PPFIA2: variants seen among roughly 807,000 people sequenced by gnomAD.
The protein encoded by PPFIA2 is liprin-alpha-2.
PPFIA2 carries 46 observed loss-of-function variants against 175.5 expected under a neutral mutation model. That is an observed-to-expected ratio of 0.26 (90% confidence interval 0.21 to 0.34). The LOEUF (loss-of-function observed/expected upper bound fraction) is 0.34, where lower values mean the gene tolerates loss of function less well. PPFIA2 is among the 10% of genes least tolerant of loss of function. The pLI, the probability that PPFIA2 is intolerant of heterozygous loss-of-function variation, is 1.00. For synonymous variants in PPFIA2, 568 were observed against 511.4 expected, an observed-to-expected ratio of 1.11 and a Z score of -1.49; for missense variants, 1,179 against 1,506.1, an observed-to-expected ratio of 0.78 and a Z score of 3.60.
intron 22 of PPFIA2, among the ~76,000 whole-genome samples, chr12:81,311,025 A>C (rs2050640055): frequency 6.6e-6 from 1 of 152,180 alleles, no homozygotes; most frequent in African/African-American, 2.4e-5. Flanking sequence ...CACTGCTTTA[A>C]ATTTAAAAGC....
At chr12:81,443,658 C>T (rs2050647983) in intron 6 of PPFIA2, among the ~76,000 whole-genome samples, 1 of 151,762 alleles carries the variant, frequency 6.6e-6, no homozygotes, top group Admixed American at 6.6e-5. Flanking sequence ...CTTATGGGAC[C>T]ATCTCAAATC....
intron 31 of PPFIA2, among the ~76,000 whole-genome samples, chr12:81,262,707 T>A (rs1303597741): frequency 1.3e-5 from 2 of 152,340 alleles, no homozygotes; most frequent in Non-Finnish European, 1.5e-5. Context: ...AATTGGGAAA[T>A]TACTGTGTTT....
At position 81,374,703 on chromosome 12, in the gene PPFIA2, G is replaced by A; in HGVS notation, c.1197C>T (p.Thr399=). 6.2e-7 allele frequency: 1 copy of A among 1,613,272 alleles called. No individual in the cohort carries two copies. Among genetic ancestry groups the A allele is most frequent in the Non-Finnish European group, 8.5e-7 (1 of 1,179,542 alleles). The part of the protein sequence containing the change: ...LELAEQKLQQ[T]MRKAETLPEV... ...CAGGCAAGGTTTCAGCCTTTCTCAT[G>A]GTCTGCTGCAACTTTTGTTCAGCTA... The change falls in exon 11 of 33, where the codon ACC becomes ACT. Residue 399 remains threonine, a synonymous_variant. Transcript: ENST00000549396.
chr12:81,563,143 T>C (rs2070546523), intron 4 of PPFIA2, among the ~76,000 whole-genome samples: 1 of 152,148 alleles, frequency 6.6e-6, no homozygotes, highest in African/African-American at 2.4e-5. Flanking sequence ...GAAACTTCAC[T>C]ACATATTCCT....
chr12:81,373,199 T>C (rs1315107362), intron 11 of PPFIA2, among the ~76,000 whole-genome samples: 1 of 151,878 alleles, frequency 6.6e-6, no homozygotes, highest in Non-Finnish European at 1.5e-5. Flanking sequence ...GTCAAGATAA[T>C]ATTGATAATT....
intron 30 of PPFIA2, among the ~76,000 whole-genome samples, chr12:81,264,362 A>G (rs1371586538): frequency 2.0e-5 from 3 of 152,240 alleles, no homozygotes; most frequent in Non-Finnish European, 4.4e-5. Context: ...AAGTAGCAAT[A>G]TATAATTCAG....
At chr12:81,457,475 T>C (rs959218833) in intron 5 of PPFIA2, among the ~76,000 whole-genome samples, 5 of 152,136 alleles carry the variant, frequency 3.3e-5, no homozygotes, top group African/African-American at 4.8e-5. Context: ...AAACCCATTA[T>C]TGAAATCCAG....
chr12:81,627,703 T>A (rs900644257), intron 4 of PPFIA2, among the ~76,000 whole-genome samples: 3 of 152,210 alleles, frequency 2.0e-5, no homozygotes, highest in Non-Finnish European at 4.4e-5. Flanking sequence ...ATGATCCAAG[T>A]TACCTAAGAC....
chr12:81,282,998 TG>T lies in PPFIA2; in HGVS notation c.3018+11del. 9 of 1,609,416 alleles carry T rather than the reference TG, an allele frequency of 5.6e-6. No individual in the cohort carries two copies. Among genetic ancestry groups the T allele is most frequent in the Non-Finnish European group, 7.7e-6 (9 of 1,176,252 alleles). On this transcript the variant is annotated intron_variant, in intron 26 of 32. Coordinates refer to ENST00000549396, the MANE Select transcript of PPFIA2 (RefSeq NM_003625.5). ...ATGATATTAAGGGTCTTAAAGCATA[TG>T]AATCTCCTACCTGGGCCCAGCTTCC...
At chr12:81,322,421 C>T (rs902507935) in intron 22 of PPFIA2, among the ~76,000 whole-genome samples, 1 of 151,992 alleles carries the variant, frequency 6.6e-6, no homozygotes, top group Admixed American at 6.6e-5. Context: ...ATTGAATAAA[C>T]TATGAAGAAT....
chr12:81,498,608 A>T (rs1277373571), intron 4 of PPFIA2, among the ~76,000 whole-genome samples: 1 of 151,924 alleles, frequency 6.6e-6, no homozygotes, highest in Admixed American at 6.6e-5. Flanking sequence ...TTAACTTATT[A>T]ATTTATTTAT....
intron 3 of PPFIA2, among the ~76,000 whole-genome samples, chr12:81,699,339 A>T (rs930963132): frequency 2.6e-5 from 4 of 151,904 alleles, no homozygotes; most frequent in African/African-American, 9.7e-5. Flanking sequence ...ATATTAATAC[A>T]TCAAAAGCAT....
At chr12:81,379,420 T>C (rs1302331957) in intron 9 of PPFIA2, among the ~76,000 whole-genome samples, 1 of 152,172 alleles carries the variant, frequency 6.6e-6, no homozygotes, top group East Asian at 1.9e-4. Context: ...AACACTGAGA[T>C]GTATTTAATT....
intron 3 of PPFIA2, among the ~76,000 whole-genome samples, chr12:81,723,433 C>A (rs2079615779): frequency 6.6e-6 from 1 of 151,098 alleles, no homozygotes; most frequent in Non-Finnish European, 1.5e-5. Context: ...AGTCAATGAA[C>A]TTTCTTAAGA....
chr12:81,582,918 CTATT>C (rs1423601103), intron 4 of PPFIA2, among the ~76,000 whole-genome samples: 1 of 151,724 alleles, frequency 6.6e-6, no homozygotes, highest in Non-Finnish European at 1.5e-5. Context: ...GGGAGTTTTT[CTATT>C]TTTTTGAGAA....
At chr12:81,575,616 A>AAT (rs914527364) in intron 4 of PPFIA2, among the ~76,000 whole-genome samples, 1 of 151,780 alleles carries the variant, frequency 6.6e-6, no homozygotes, top group African/African-American at 2.4e-5. Context: ...GAGAAAAAAC[A>AAT]ATATATATAA....
intron 7 of PPFIA2, among the ~76,000 whole-genome samples, chr12:81,422,930 T>C (rs1422024723): frequency 6.6e-6 from 1 of 151,866 alleles, no homozygotes; most frequent in Non-Finnish European, 1.5e-5. Context: ...AAATCAGACA[T>C]GAAAGAGGAG....
chr12:81,696,039 G>T (rs73348321), intron 3 of PPFIA2, among the ~76,000 whole-genome samples: 1 of 152,148 alleles, frequency 6.6e-6, no homozygotes, highest in Admixed American at 6.6e-5. Flanking sequence ...ATTAATACAA[G>T]AGCTTTAGGC....
At chr12:81,330,324 C>T (rs1243507427) in intron 21 of PPFIA2, among the ~76,000 whole-genome samples, 1 of 152,096 alleles carries the variant, frequency 6.6e-6, no homozygotes, top group Non-Finnish European at 1.5e-5. Context: ...TGGTGGCACG[C>T]TTGTTATTAA....
Sources: allele counts gnomAD v4.1 joint callset (sites outside exome capture counted in the v4.1 genomes callset), GRCh38; gene constraint gnomAD v4.1.1; transcripts MANE v1.5; gene names NCBI Gene and HGNC (gene_info 2026-07-23, HGNC 2026-07-21).